The following MFF variants were observed in gnomAD, a reference collection of about 807,000 sequenced individuals.
The protein encoded by MFF is mitochondrial fission factor, also known as chromosome 2 open reading frame 33.
Under a neutral mutation model 36.9 loss-of-function variants are expected in MFF, and 12 were observed. The ratio of observed to expected loss-of-function variants is 0.33; its 90% confidence interval spans 0.21 to 0.53. MFF has a LOEUF of 0.53. Among genes scored for constraint, MFF ranks in the 20% least tolerant of loss-of-function variants. MFF has a pLI of 0.95. For synonymous variants in MFF, 99 were observed against 126.2 expected (o/e 0.78, Z 1.44); for missense variants, 348 against 366.6 (o/e 0.95, Z 0.42).
At chr2:227,341,185 A>G (rs1288229922) in intron 5 of MFF, among the ~76,000 whole-genome samples, 1 of 152,122 alleles carries the variant, frequency 6.6e-6, no homozygotes, top group Non-Finnish European at 1.5e-5. Flanking sequence ...ACAGTGATTT[A>G]TATTACAGCA....
rs190779830 is a variant in MFF at position 227,334,423 on chromosome 2, G to A, written c.351+1835G>A. Among the ~76,000 whole-genome samples, 84 of 152,316 alleles carry A rather than the reference G, an allele frequency of 5.5e-4. 1 individual carries two copies. Among genetic ancestry groups the A allele is most frequent in the Admixed American group, 5.1e-3 (78 of 15,306 alleles). ...TTCAAGAAGCACTCAACTGCAGTGAGCAAGGGAGGAAGGGGTAAGGGAGCC... is the reference window on the plus strand; with the variant it reads ...TTCAAGAAGCACTCAACTGCAGTGAACAAGGGAGGAAGGGGTAAGGGAGCC... On this transcript the variant is annotated intron_variant, in intron 4 of 8. Transcript: ENST00000304593.
chr2:227,332,662 TATC>T, intron 4 of MFF, 74 bp downstream of exon 4: 1 of 1,093,606 alleles, frequency 9.1e-7, no homozygotes, highest in Non-Finnish European at 1.3e-6. Flanking sequence ...AAAGAGGCTT[TATC>T]ATATCTTTAG....
At chr2:227,346,700 A>G (rs748397450) in intron 5 of MFF, 4 of 152,310 alleles carry the variant, frequency 2.6e-5, no homozygotes, top group Non-Finnish European at 4.4e-5. Context: ...TCATCCTTAA[A>G]TCAGTGTCAT....
At chr2:227,331,477 A>G (rs954911153) in intron 3 of MFF, among the ~76,000 whole-genome samples, 1 of 152,238 alleles carries the variant, frequency 6.6e-6, no homozygotes, top group Non-Finnish European at 1.5e-5. Context: ...CACTGTGAAT[A>G]TTCAGGTTCA....
chr2:227,325,516 G>C (rs1207894735), intron 1 of MFF, 89 bp downstream of exon 1: 1 of 150,876 alleles, frequency 6.6e-6, no homozygotes, highest in African/African-American at 2.4e-5. Flanking sequence ...CGGCCAACAG[G>C]GACCCGCGGT....
In MFF at chr2:227,325,349, A is replaced by G. The variant is rs7588961; in HGVS notation, c.-231A>G. The stretch of plus-strand genomic sequence containing the variant: ...GGCGCCTCCGTGCTCTCAGCCAACC[A>G]CCTCTGAGAGCGCCCACTCGAGCGC... On this transcript the variant is annotated 5_prime_UTR_variant, in exon 1 of 9. Coordinates refer to ENST00000304593, the MANE Select transcript of MFF (RefSeq NM_001277062.2). 0.96 allele frequency: 150,238 copies of G among 156,592 alleles called. 72,185 individuals carry two copies. The highest frequency in any genetic ancestry group is 1 in the East Asian group (5,159 of 5,164). The allele number at this position is 156,592 out of a possible 1,614,324, so 9.7% of individuals were successfully genotyped here.
chr2:227,354,822 A>G (rs2076179283), intron 7 of MFF, among the ~76,000 whole-genome samples: 1 of 152,166 alleles, frequency 6.6e-6, no homozygotes, highest in African/African-American at 2.4e-5. Flanking sequence ...AGATTTTATA[A>G]TTGTTTCTGC....
intron 5 of MFF, 150 bp from the exon 6 acceptor site, chr2:227,347,072 ATATT>A (rs2075750758): frequency 1.2e-5 from 7 of 599,438 alleles, no homozygotes; most frequent in Non-Finnish European, 8.6e-6. Flanking sequence ...ACAATTCAAA[ATATT>A]TATTCTTTGA....
chr2:227,350,214 A>G (rs2075920138), intron 6 of MFF, among the ~76,000 whole-genome samples: 1 of 152,116 alleles, frequency 6.6e-6, no homozygotes, highest in Admixed American at 6.5e-5. Flanking sequence ...AAATTTACCA[A>G]AGCACCAGGT....
chr2:227,339,281 CAA>C (rs1333091813), intron 4 of MFF, among the ~76,000 whole-genome samples: 1 of 151,548 alleles, frequency 6.6e-6, no homozygotes, highest in East Asian at 1.9e-4. Context: ...TTCTGTGTAA[CAA>C]ATCATCTTAA....
At chr2:227,345,682 T>A (rs999829568) in intron 5 of MFF, among the ~76,000 whole-genome samples, 4 of 152,154 alleles carry the variant, frequency 2.6e-5, no homozygotes, top group Non-Finnish European at 4.4e-5. Flanking sequence ...ATGTTTTTTT[T>A]ATTTGTTTGT....
intron 4 of MFF, among the ~76,000 whole-genome samples, chr2:227,334,543 G>A (rs951291015): frequency 5.3e-5 from 8 of 152,164 alleles, no homozygotes; most frequent in African/African-American, 1.7e-4. Flanking sequence ...TGTTAACTCA[G>A]AATCGATAAA....
intron 5 of MFF, among the ~76,000 whole-genome samples, chr2:227,340,949 A>G (rs1227292260): frequency 6.6e-6 from 1 of 151,974 alleles, no homozygotes; most frequent in Non-Finnish European, 1.5e-5. Context: ...AATTTTAATC[A>G]GAAAGTCATT....
intron 3 of MFF, 69 bp from the exon 4 acceptor site, chr2:227,332,350 A>G: frequency 8.0e-7 from 1 of 1,247,260 alleles, no homozygotes; most frequent in Non-Finnish European, 1.1e-6. Context: ...ACATTTTAAC[A>G]AAAATCACTG....
intron 4 of MFF, among the ~76,000 whole-genome samples, chr2:227,336,664 C>T (rs2075030483): frequency 1.3e-5 from 2 of 152,168 alleles, no homozygotes; most frequent in Non-Finnish European, 2.9e-5. Flanking sequence ...ACAGCCAGAG[C>T]TGGAGGAGTA....
chr2:227,343,622 G>A (rs891333238), intron 5 of MFF, among the ~76,000 whole-genome samples: 1 of 152,122 alleles, frequency 6.6e-6, no homozygotes, highest in Non-Finnish European at 1.5e-5. Context: ...TTTTGGAAGA[G>A]TGATACCTCA....
At chr2:227,330,479 C>A in intron 2 of MFF, 147 bp from the exon 3 acceptor site, 1 of 592,134 alleles carries the variant, frequency 1.7e-6, no homozygotes, top group Non-Finnish European at 3.0e-6. Flanking sequence ...TTTCTTTCAT[C>A]TTTTATTTTT....
Position 227,347,339 on chromosome 2 carries a change from G to C in MFF, c.554G>C (p.Arg185Pro). 1 of 1,613,710 alleles carries C rather than the reference G, an allele frequency of 6.2e-7. No homozygotes were observed. The highest frequency in any genetic ancestry group is 8.5e-7 in the Non-Finnish European group (1 of 1,179,752). Residue 185 changes from arginine to proline, a missense_variant, in exon 6 of 9, where the codon CGT becomes CCT. By Grantham distance (103) the Arg-to-Pro change is moderately radical (BLOSUM62 -2). Transcript: ENST00000304593. ...GILSLIQSST[R>P]RAYQQILDVL... is the part of the protein sequence containing the mutation. Reference sequence around the variant, plus strand: ...TTGTCGCTTATCCAGTCTTCTACTCGTAGGGCATACCAGCAGATCTTGGAT... The same window carrying C: ...TTGTCGCTTATCCAGTCTTCTACTCCTAGGGCATACCAGCAGATCTTGGAT...
Position 227,332,398 on chromosome 2 carries a change from T to C in MFF, c.182-21T>C, listed in dbSNP as rs377319945. On this transcript the variant is annotated intron_variant, in intron 3 of 8. Coordinates refer to ENST00000304593, the MANE Select transcript of MFF (RefSeq NM_001277062.2). The stretch of plus-strand genomic sequence containing the variant: ...ACCTCCCGCTTTTCTCTTCTTTGTC[T>C]CTTTTCTTGAAAACTCCTAGGAAAT... 6 of 1,508,834 alleles carry C rather than the reference T, an allele frequency of 4.0e-6. No homozygotes were observed. The African/African-American group carries it at 9.6e-5, about 24-fold the overall frequency. The allele number at this position is 1,508,834 out of a possible 1,614,324, so 93.5% of individuals were successfully genotyped here.
Sources: gnomAD v4.1 joint callset for allele counts (sites outside exome capture counted in the v4.1 genomes callset) on GRCh38, gnomAD v4.1.1 for gene constraint, MANE v1.5 for transcripts, NCBI Gene and HGNC (gene_info 2026-07-23, HGNC 2026-07-21) for gene names.